Variants in SHISA9 observed in about 807,000 individuals in gnomAD.
The protein encoded by SHISA9 is shisa family member 9, also known as protein shisa-9.
A neutral mutation model predicts 38.0 loss-of-function variants in SHISA9; 13 were observed. The observed-to-expected ratio is 0.34, with a 90% CI of 0.22 to 0.54. SHISA9 has a LOEUF of 0.54. SHISA9 is among the 20% of genes least tolerant of loss of function. The pLI is 0.91. For missense variants in SHISA9, 538 were observed against 575.8 expected (o/e 0.93, Z 0.67); for synonymous variants, 275 against 242.0 (o/e 1.14, Z -1.27).
chr16:13,513,102 A>G, the SHISA9 span, among the ~76,000 whole-genome samples: 1 of 152,156 alleles, frequency 6.6e-6, no homozygotes, highest in Non-Finnish European at 1.5e-5. Flanking sequence ...TATTTGCAAT[A>G]TACCCATCTG....
chr16:13,276,446 T>C, the SHISA9 span, among the ~76,000 whole-genome samples: 15 of 152,298 alleles, frequency 9.8e-5, no homozygotes, highest in South Asian at 2.3e-3. Context: ...GTGGGATTGC[T>C]GGATCAAATG....
chr16:13,270,188 C>T, the SHISA9 span, among the ~76,000 whole-genome samples: 15 of 152,110 alleles, frequency 9.9e-5, no homozygotes, highest in Non-Finnish European at 1.5e-5. Context: ...TACATTTCCC[C>T]TGATGGTGAG....
At chr16:13,152,323 G>A (rs1212380655) in intron 2 of SHISA9, among the ~76,000 whole-genome samples, 1 of 152,190 alleles carries the variant, frequency 6.6e-6, no homozygotes, top group South Asian at 2.1e-4. Context: ...AGGCTTGTTA[G>A]GTTTCTCTGT....
chr16:13,376,684 G>T, the SHISA9 span, among the ~76,000 whole-genome samples: 3 of 151,974 alleles, frequency 2.0e-5, no homozygotes, highest in Non-Finnish European at 4.4e-5. Flanking sequence ...TAAATTATAG[G>T]GTGTTTATTT....
intron 2 of SHISA9, among the ~76,000 whole-genome samples, chr16:13,080,434 C>A (rs1316576439): frequency 1.3e-5 from 2 of 152,108 alleles, no homozygotes; most frequent in African/African-American, 4.8e-5. Flanking sequence ...TTTATCTTAG[C>A]CTAGTTTCAT....
intron 2 of SHISA9, among the ~76,000 whole-genome samples, chr16:12,944,524 T>C (rs1336410789): frequency 6.6e-6 from 1 of 152,114 alleles, no homozygotes; most frequent in Non-Finnish European, 1.5e-5. Context: ...TAAAAGTCAC[T>C]GGTGAATCTT....
chr16:13,219,174 C>T (rs1291721140), intron 4 of SHISA9, among the ~76,000 whole-genome samples: 1 of 152,206 alleles, frequency 6.6e-6, no homozygotes, highest in African/African-American at 2.4e-5. Flanking sequence ...AGAAAATGCT[C>T]TTGCATCAAG....
At chr16:13,489,020 GC>G in the SHISA9 span, among the ~76,000 whole-genome samples, 2 of 152,088 alleles carry the variant, frequency 1.3e-5, no homozygotes, top group Admixed American at 6.6e-5. Context: ...TGATCTGCCC[GC>G]CTCGGCCTCC....
the SHISA9 span, among the ~76,000 whole-genome samples, chr16:13,491,725 A>G: frequency 1.7e-4 from 26 of 150,696 alleles, no homozygotes; most frequent in Non-Finnish European, 2.5e-4. Flanking sequence ...CCTGATCTCA[A>G]GAGATCCACC....
At chr16:13,038,820 C>G (rs2073102473) in intron 2 of SHISA9, among the ~76,000 whole-genome samples, 1 of 152,234 alleles carries the variant, frequency 6.6e-6, no homozygotes, top group Non-Finnish European at 1.5e-5. Flanking sequence ...TACTGAATTA[C>G]TAGTGTCTGA....
the SHISA9 span, among the ~76,000 whole-genome samples, chr16:13,394,968 T>TGTGG: frequency 1.3e-5 from 2 of 149,752 alleles, no homozygotes; most frequent in Admixed American, 6.7e-5. Context: ...TGTGTGTGTG[T>TGTGG]GGCTGTTTGT....
chr16:13,188,336 C>A (rs1245908217), intron 2 of SHISA9, among the ~76,000 whole-genome samples: 2 of 152,152 alleles, frequency 1.3e-5, no homozygotes, highest in African/African-American at 4.8e-5. Context: ...TCTTCCTTTC[C>A]TGGGTTAGAA....
the SHISA9 span, among the ~76,000 whole-genome samples, chr16:13,476,234 G>T: frequency 1.3e-5 from 2 of 152,092 alleles, no homozygotes; most frequent in Non-Finnish European, 2.9e-5. Flanking sequence ...AAGTATCAAA[G>T]AGCTGAAACT....
chr16:13,134,707 G>T (rs1308152222), intron 2 of SHISA9, among the ~76,000 whole-genome samples: 1 of 152,058 alleles, frequency 6.6e-6, no homozygotes, highest in Admixed American at 6.6e-5. Context: ...TTGATGAGAG[G>T]TGTTTCAGTC....
chr16:13,328,959 C>G, the SHISA9 span, among the ~76,000 whole-genome samples: 1 of 152,128 alleles, frequency 6.6e-6, no homozygotes, highest in Non-Finnish European at 1.5e-5. Context: ...CAGACATAGA[C>G]AAGCGAGCTG....
chr16:13,253,162 G>A, the SHISA9 span, among the ~76,000 whole-genome samples: 2 of 152,140 alleles, frequency 1.3e-5, no homozygotes, highest in African/African-American at 4.8e-5. Context: ...TGCAAAATGT[G>A]TGTTACTTGA....
intron 2 of SHISA9, among the ~76,000 whole-genome samples, chr16:13,113,074 GT>G (rs1410974518): frequency 2.0e-5 from 3 of 151,890 alleles, no homozygotes; most frequent in Non-Finnish European, 4.4e-5. Context: ...GCCAGGCGTG[GT>G]GGTACATGCC....
At chr16:13,521,112 G>A in the SHISA9 span, among the ~76,000 whole-genome samples, 20 of 152,268 alleles carry the variant, frequency 1.3e-4, 1 homozygote, top group Admixed American at 5.9e-4. Context: ...TCAGTGAAGA[G>A]CAGCTTCCAG....
At chr16:13,267,807 G>C in the SHISA9 span, among the ~76,000 whole-genome samples, 9 of 151,728 alleles carry the variant, frequency 5.9e-5, no homozygotes, top group African/African-American at 2.2e-4. Context: ...GATCCTGCAG[G>C]GTGGTTGTGA....
Sources: allele counts gnomAD v4.1 joint callset (sites outside exome capture counted in the v4.1 genomes callset), GRCh38; gene constraint gnomAD v4.1.1; transcripts MANE v1.5; gene names NCBI Gene and HGNC (gene_info 2026-07-23, HGNC 2026-07-21).